Variants in MET observed in about 807,000 individuals in gnomAD.
MET encodes hepatocyte growth factor receptor.
In MET, 48 loss-of-function variants were observed where a neutral mutation model predicts 133.1. The ratio of observed to expected loss-of-function variants is 0.36; its 90% confidence interval spans 0.29 to 0.46. The LOEUF is 0.46. Ranked by LOEUF, MET falls within the 20% of genes least tolerant of loss-of-function variation. The pLI is 1.00. For synonymous variants in MET, 628 were observed against 616.5 expected (o/e 1.02, Z -0.28); for missense variants, 1,442 against 1,695.9 (o/e 0.85, Z 2.63).
At chr7:116,718,319 C>T (rs374993712) in intron 2 of MET, among the ~76,000 whole-genome samples, 17 of 151,988 alleles carry the variant, frequency 1.1e-4, no homozygotes, top group African/African-American at 4.1e-4. Context: ...ACCCAGGAGG[C>T]GGAGGTTGTA....
At chr7:116,777,559 C>T in intron 16 of MET, 90 bp downstream of exon 16, 1 of 1,294,968 alleles carries the variant, frequency 7.7e-7, no homozygotes, top group Admixed American at 1.7e-5. Flanking sequence ...TTACACTTTC[C>T]CCTTGTGGAA....
chr7:116,687,649 A>T (rs1292497762), intron 1 of MET, among the ~76,000 whole-genome samples: 1 of 152,200 alleles, frequency 6.6e-6, no homozygotes, highest in Admixed American at 6.5e-5. Flanking sequence ...TATACTGACA[A>T]TTTTGATCGT....
chr7:116,679,099 A>G (rs1295946866), intron 1 of MET, among the ~76,000 whole-genome samples: 1 of 152,172 alleles, frequency 6.6e-6, no homozygotes, highest in Admixed American at 6.5e-5. Context: ...AACCCCAAGG[A>G]AATTATTTTG....
intron 2 of MET, among the ~76,000 whole-genome samples, chr7:116,725,718 A>T (rs928773864): frequency 4.6e-5 from 7 of 151,440 alleles, no homozygotes; most frequent in Non-Finnish European, 8.8e-5. Context: ...AATGGTAAGT[A>T]TTTGTGTATC....
intron 2 of MET, among the ~76,000 whole-genome samples, chr7:116,708,175 G>A (rs1215968260): frequency 3.9e-5 from 6 of 152,122 alleles, no homozygotes; most frequent in Non-Finnish European, 8.8e-5. Flanking sequence ...TTTATGAAAT[G>A]TGCTGTGAGG....
At chr7:116,700,884 G>C (rs1791552476) in intron 2 of MET, among the ~76,000 whole-genome samples, 1 of 152,164 alleles carries the variant, frequency 6.6e-6, no homozygotes. Flanking sequence ...TAAATAACCT[G>C]TAAGAGTAGA....
chr7:116,774,003 G>A (rs1397583022), intron 14 of MET, among the ~76,000 whole-genome samples: 1 of 152,158 alleles, frequency 6.6e-6, no homozygotes, highest in African/African-American at 2.4e-5. Flanking sequence ...TCAATACTAT[G>A]CCTAGTTTAT....
chr7:116,727,476 C>T (rs142235447), intron 2 of MET, among the ~76,000 whole-genome samples: 2 of 152,152 alleles, frequency 1.3e-5, no homozygotes, highest in Non-Finnish European at 2.9e-5. Flanking sequence ...TGATTTCCTC[C>T]CTCCCTTCCT....
intron 2 of MET, chr7:116,724,034 T>A (rs1198259103): frequency 1.2e-5 from 2 of 163,370 alleles, no homozygotes; most frequent in Non-Finnish European, 2.6e-5. Context: ...CCAGGCTGCT[T>A]TGTTTACCTA....
At chr7:116,710,002 T>C (rs1170739382) in intron 2 of MET, among the ~76,000 whole-genome samples, 1 of 152,176 alleles carries the variant, frequency 6.6e-6, no homozygotes, top group Non-Finnish European at 1.5e-5. Context: ...TATTTGTGGC[T>C]CCAACATCAT....
At chr7:116,764,703 G>A (rs1477241899) in intron 11 of MET, among the ~76,000 whole-genome samples, 2 of 151,902 alleles carry the variant, frequency 1.3e-5, no homozygotes, top group Non-Finnish European at 2.9e-5. Flanking sequence ...CATCATCCTC[G>A]GCCTGTCAAT....
intron 5 of MET, among the ~76,000 whole-genome samples, chr7:116,754,995 A>AGAAAGAAAGAAG (rs1171489063): frequency 1.0e-4 from 15 of 146,324 alleles, no homozygotes; most frequent in African/African-American, 3.5e-4. Flanking sequence ...AAAGAAAGAA[A>AGAAAGAAAGAAG]GAAAGAAAGA....
At chr7:116,738,090 A>T (rs1793292989) in intron 3 of MET, among the ~76,000 whole-genome samples, 1 of 152,226 alleles carries the variant, frequency 6.6e-6, no homozygotes, top group African/African-American at 2.4e-5. Context: ...GAGCTGGAAA[A>T]CAAAGTCAGG....
intron 2 of MET, among the ~76,000 whole-genome samples, chr7:116,721,874 T>C (rs1224011647): frequency 1.3e-5 from 2 of 152,228 alleles, no homozygotes; most frequent in Non-Finnish European, 2.9e-5. Flanking sequence ...CTCTGTTCTC[T>C]TACATTTGCT....
In MET at chr7:116,771,965, G is replaced by T. The variant is rs1794850590; in HGVS notation, c.3004G>T (p.Asp1002Tyr). 2 of 1,613,706 alleles carry T rather than the reference G, an allele frequency of 1.2e-6. No individual in the cohort carries two copies. Among genetic ancestry groups the T allele is most frequent in the Non-Finnish European group, 1.7e-6 (2 of 1,179,808 alleles). ...TTEMVSNESV[D>Y]YRATFPEDQF... ...AGAAATGGTTTCAAATGAATCTGTA[G>T]ACTACCGAGCTACTTTTCCAGAAGG... is the stretch of plus-strand genomic sequence containing the variant. The change falls in exon 14 of 21, where the codon GAC (aspartate) becomes TAC (tyrosine). Residue 1002 changes from aspartate to tyrosine, a missense_variant. Physicochemically the swap from Asp to Tyr is radical, Grantham distance 160. Coordinates refer to ENST00000397752, the MANE Select transcript of MET (RefSeq NM_000245.4).
At chr7:116,724,687 A>T (rs1562898986) in intron 2 of MET, 26 of 544,302 alleles carry the variant, frequency 4.8e-5, no homozygotes, top group Non-Finnish European at 4.2e-5. Context: ...TCGGAAAAAA[A>T]ATCAGCAAGG....
chr7:116,791,381 T>C (rs1447241911), intron 19 of MET, among the ~76,000 whole-genome samples: 1 of 152,166 alleles, frequency 6.6e-6, no homozygotes, highest in Admixed American at 6.5e-5. Flanking sequence ...AGCTTTCTGA[T>C]TGTTAGTCAT....
intron 2 of MET, among the ~76,000 whole-genome samples, chr7:116,723,234 A>G (rs1792574768): frequency 6.9e-6 from 1 of 145,350 alleles, no homozygotes; most frequent in Non-Finnish European, 1.5e-5. Flanking sequence ...CATTCATTTC[A>G]TCTTCCATTG....
chr7:116,674,444 T>A (rs1348720324), intron 1 of MET, among the ~76,000 whole-genome samples: 1 of 152,244 alleles, frequency 6.6e-6, no homozygotes, highest in Non-Finnish European at 1.5e-5. Context: ...ATTGTCTTAA[T>A]GAGGGCTAGA....
Sources: gnomAD v4.1 joint callset for allele counts (sites outside exome capture counted in the v4.1 genomes callset) on GRCh38, gnomAD v4.1.1 for gene constraint, MANE v1.5 for transcripts, NCBI Gene and HGNC (gene_info 2026-07-23, HGNC 2026-07-21) for gene names.